Variants in EXOC1L observed in about 807,000 individuals in gnomAD.
The protein encoded by EXOC1L is exocyst complex component 1-like.
In EXOC1L, 10 loss-of-function variants were observed where a neutral mutation model predicts 4.9. That is an observed-to-expected ratio of 2.02 (90% confidence interval 1.25 to 3.43). The LOEUF (loss-of-function observed/expected upper bound fraction) is 3.43, where lower values mean the gene tolerates loss of function less well. EXOC1L is among the 30% of genes most tolerant of loss of function. EXOC1L has a pLI of 0.00. For missense variants in EXOC1L, 114 were observed against 59.4 expected (o/e 1.92, Z -3.02); for synonymous variants, 41 against 20.8 (o/e 1.97, Z -2.63).
Position 55,837,215 on chromosome 4 carries a change from T to A in EXOC1L, c.383T>A (p.Ile128Asn), listed in dbSNP as rs774307936. 5.4e-5 allele frequency: 38 copies of A among 701,940 alleles called. No individual in the cohort carries two copies. The South Asian group carries it at 5.5e-4, about 10-fold the overall frequency. The allele number at this position is 701,940 out of a possible 1,614,324, so 43.5% of individuals were successfully genotyped here. ...NHAYLKKDLQ[I>N]VNFDSTYIND... is the part of the protein sequence containing the mutation. ...GCATATCTTAAAAAGGACTTACAGA[T>A]CGTGAACTTTGATTCTACATACATT... The change falls in exon 3 of 3, where the codon ATC becomes AAC. Residue 128 changes from isoleucine (I) to asparagine (N), a missense_variant. Ile to Asn is a moderately radical substitution (Grantham distance 149). Coordinates refer to ENST00000636125, the MANE Select transcript of EXOC1L (RefSeq NM_001351574.3).
chr4:55,835,537 A>C (rs981754090), intron 2 of EXOC1L, among the ~76,000 whole-genome samples: 2 of 151,828 alleles, frequency 1.3e-5, no homozygotes, highest in African/African-American at 4.8e-5. Flanking sequence ...TGATTTTTTG[A>C]TTATGATCAT....
intron 2 of EXOC1L, among the ~76,000 whole-genome samples, chr4:55,832,191 A>G (rs1720054120): frequency 6.6e-6 from 1 of 152,010 alleles, no homozygotes; most frequent in South Asian, 2.1e-4. Context: ...TTGTTGGGTT[A>G]CTCTGAATTC....
rs775910449 is a variant in EXOC1L, at chr4:55,837,068, C to T, written c.253-17C>T. The T allele has an allele frequency of 1.5e-6, 1 of 675,670 alleles. No individual in the cohort carries two copies. Among genetic ancestry groups the T allele is most frequent in the Non-Finnish European group, 2.7e-6 (1 of 368,710 alleles). 41.9% of individuals were successfully genotyped at this position (675,670 alleles called of 1,614,324 possible). On this transcript the variant is annotated splice_polypyrimidine_tract_variant and intron_variant, in intron 2 of 2. Coordinates refer to ENST00000636125, the MANE Select transcript of EXOC1L (RefSeq NM_001351574.3). Reference sequence around the variant, plus strand: ...TTCTTGGCTACCAACTAAATCATGTCTCTCATTCTCTTCCAGGACAATCCA... The same window carrying T: ...TTCTTGGCTACCAACTAAATCATGTTTCTCATTCTCTTCCAGGACAATCCA...
chr4:55,823,047 T>C (rs1290824692), intron 1 of EXOC1L, among the ~76,000 whole-genome samples: 2 of 151,466 alleles, frequency 1.3e-5, no homozygotes, highest in Non-Finnish European at 2.9e-5. Flanking sequence ...TAAAATTATA[T>C]GTATATTCAG....
chr4:55,826,719 G>A (rs1324068483), intron 1 of EXOC1L, among the ~76,000 whole-genome samples: 3 of 152,146 alleles, frequency 2.0e-5, no homozygotes, highest in Admixed American at 1.3e-4. Flanking sequence ...ATGTGGATAC[G>A]GCCATTTAAT....
At chr4:55,820,928 C>G (rs971373327) in intron 1 of EXOC1L, among the ~76,000 whole-genome samples, 1 of 152,120 alleles carries the variant, frequency 6.6e-6, no homozygotes, top group Non-Finnish European at 1.5e-5. Flanking sequence ...CATTATTGAA[C>G]AGAATATACA....
intron 1 of EXOC1L, among the ~76,000 whole-genome samples, chr4:55,822,527 C>G (rs867736393): frequency 6.6e-6 from 1 of 152,122 alleles, no homozygotes; most frequent in Non-Finnish European, 1.5e-5. Flanking sequence ...GTCACATGTG[C>G]AATTGTGAGA....
intron 1 of EXOC1L, among the ~76,000 whole-genome samples, chr4:55,828,825 A>C (rs1019422758): frequency 6.6e-6 from 1 of 152,178 alleles, no homozygotes; most frequent in African/African-American, 2.4e-5. Context: ...CTTGGGTAAC[A>C]GAGTGAGACC....
intron 1 of EXOC1L, among the ~76,000 whole-genome samples, chr4:55,828,120 T>C (rs1191506176): frequency 6.6e-6 from 1 of 152,154 alleles, no homozygotes; most frequent in African/African-American, 2.4e-5. Context: ...TAATCCCTCC[T>C]CTTCCAAACT....
intron 2 of EXOC1L, 29 bp from the exon 3 acceptor site, chr4:55,837,056 A>C (rs1720182583): frequency 1.5e-6 from 1 of 658,832 alleles, no homozygotes; most frequent in African/African-American, 1.8e-5. Context: ...TTGGCTACCA[A>C]CTAAATCATG....
intron 2 of EXOC1L, among the ~76,000 whole-genome samples, chr4:55,836,093 T>G (rs775954998): frequency 6.6e-6 from 1 of 151,918 alleles, no homozygotes; most frequent in Admixed American, 6.6e-5. Flanking sequence ...AGAATTTTCC[T>G]ATTTAAAAAA....
intron 1 of EXOC1L, among the ~76,000 whole-genome samples, chr4:55,828,712 T>G (rs1408057215): frequency 6.6e-6 from 1 of 152,066 alleles, no homozygotes; most frequent in Non-Finnish European, 1.5e-5. Context: ...GGCATAGTGG[T>G]GCATTCCTGT....
intron 1 of EXOC1L, among the ~76,000 whole-genome samples, 189 bp from the exon 2 acceptor site, chr4:55,831,145 T>A (rs1438372531): frequency 6.6e-6 from 1 of 152,106 alleles, no homozygotes; most frequent in Non-Finnish European, 1.5e-5. Flanking sequence ...ATAAAGTTAA[T>A]ACGTTGAGCA....
intron 1 of EXOC1L, among the ~76,000 whole-genome samples, chr4:55,825,672 C>T (rs1310215871): frequency 1.3e-5 from 2 of 152,166 alleles, no homozygotes; most frequent in Non-Finnish European, 2.9e-5. Flanking sequence ...TCTGTAAAAA[C>T]ATCAGCAACT....
intron 1 of EXOC1L, among the ~76,000 whole-genome samples, chr4:55,830,525 A>G (rs1720003440): frequency 6.6e-6 from 1 of 152,132 alleles, no homozygotes; most frequent in Non-Finnish European, 1.5e-5. Context: ...CTCCTTTATT[A>G]TAATAACTCA....
At chr4:55,824,449 A>G (rs1286242449) in intron 1 of EXOC1L, among the ~76,000 whole-genome samples, 4 of 152,054 alleles carry the variant, frequency 2.6e-5, no homozygotes, top group Non-Finnish European at 2.9e-5. Context: ...TGCAGCCTCA[A>G]CCTCTGGGGC....
intron 1 of EXOC1L, among the ~76,000 whole-genome samples, chr4:55,827,435 C>A (rs1037699760): frequency 6.6e-6 from 1 of 152,166 alleles, no homozygotes; most frequent in Non-Finnish European, 1.5e-5. Flanking sequence ...TTCTTATTTG[C>A]AGAACTGTAA....
At chr4:55,831,941 C>T (rs1355138529) in intron 2 of EXOC1L, among the ~76,000 whole-genome samples, 1 of 151,992 alleles carries the variant, frequency 6.6e-6, no homozygotes, top group Non-Finnish European at 1.5e-5. Flanking sequence ...CACCACTTGA[C>T]CCCTGACAAG....
chr4:55,823,605 A>T (rs914219901), intron 1 of EXOC1L, among the ~76,000 whole-genome samples: 1 of 152,222 alleles, frequency 6.6e-6, no homozygotes, highest in Admixed American at 6.5e-5. Context: ...ATATATCCAA[A>T]CAGCTATGCA....
Sources: allele counts gnomAD v4.1 joint callset (sites outside exome capture counted in the v4.1 genomes callset), GRCh38; gene constraint gnomAD v4.1.1; transcripts MANE v1.5; gene names NCBI Gene and HGNC (gene_info 2026-07-23, HGNC 2026-07-21).